The following SYT15 variants were observed in gnomAD, a reference collection of about 807,000 sequenced individuals.
SYT15 encodes the protein synaptotagmin 15.
SYT15 carries 4 observed loss-of-function variants against 30.1 expected under a neutral mutation model. The ratio of observed to expected loss-of-function variants is 0.13; its 90% CI spans 0.07 to 0.30. SYT15 has a LOEUF of 0.30. Ranked by LOEUF, SYT15 falls within the 10% of genes least tolerant of loss-of-function variation. SYT15 has a pLI of 1.00. For missense variants in SYT15, 49 were observed against 371.7 expected, an observed-to-expected ratio of 0.13 and a Z score of 7.14; for synonymous variants, 19 against 166.3, an observed-to-expected ratio of 0.11 and a Z score of 6.82.
intron 5 of SYT15, among the ~76,000 whole-genome samples, chr10:46,584,288 G>A (rs1844592186): frequency 6.6e-6 from 1 of 151,820 alleles, no homozygotes; most frequent in Admixed American, 6.5e-5. Flanking sequence ...TGACTCCTTA[G>A]CTCTGGTCCA....
downstream of SYT15, chr10:46,592,148 C>G (rs550905222): frequency 1.4e-5 from 2 of 141,936 alleles, no homozygotes; most frequent in Admixed American, 1.4e-4. Flanking sequence ...CGTTTCCCCC[C>G]CTACCATTGG....
rs112965082 is a variant in SYT15, at chr10:46,583,722, T to TC, written c.652-3dup. ...CGCCTGACTCTGGCTGGTGTCCTTG[T>TC]CCCCCCCAGGTGTCCAGCAAGACCA... On this transcript the variant is annotated splice_polypyrimidine_tract_variant and intron_variant, in intron 4 of 7. Transcript: ENST00000374321. 0.32 allele frequency: 218,924 copies of TC among 688,664 alleles called. 29,565 individuals carry two copies. Among genetic ancestry groups the TC allele is most frequent in the Non-Finnish European group, 0.36 (180,427 of 502,518 alleles). The allele number at this position is 688,664 out of a possible 1,614,324, so 42.7% of individuals were successfully genotyped here.
chr10:46,595,870 A>G (rs1422620677), downstream of SYT15: 2 of 140,478 alleles, frequency 1.4e-5, no homozygotes, highest in Admixed American at 1.4e-4. Context: ...AGGCAGAAGC[A>G]TAAAAAGGCA....
Position 46,591,253 on chromosome 10 carries a change from AG to A in SYT15, c.*3609del, listed in dbSNP as rs1179573030. The A allele has an allele frequency of 1.8e-5, 1 of 56,486 alleles. No individual in the cohort carries two copies. Among genetic ancestry groups the A allele is most frequent in the Non-Finnish European group, 3.3e-5 (1 of 30,118 alleles). 3.5% of individuals were successfully genotyped at this position (56,486 alleles called of 1,614,324 possible). ...CATGCCTGTTGTCCCAGCTACTTGG[AG>A]GGCTGGGGCAGGAGTATTGCGTGAG... is the stretch of plus-strand genomic sequence containing the variant. On this transcript the variant is annotated 3_prime_UTR_variant, in exon 8 of 8. Coordinates refer to ENST00000374321, the MANE Select transcript of SYT15 (RefSeq NM_031912.5).
chr10:46,580,679 G>A lies in SYT15; in HGVS notation c.213-215G>A, dbSNP rs1266688038. On this transcript the variant is annotated intron_variant, in intron 2 of 7. Transcript: ENST00000374321. The stretch of plus-strand genomic sequence containing the variant: ...CTGTGTTCCTTCTTCAAATCCCACT[G>A]CTGTGTGTGTGTGTGTGTGTGTGTG... Among the ~76,000 whole-genome samples, 2 of 89,876 alleles carry A rather than the reference G, an allele frequency of 2.2e-5. 1 individual carries two copies. The highest frequency in any genetic ancestry group is 4.3e-5 in the Non-Finnish European group (2 of 46,882). 59.0% of individuals were successfully genotyped at this position (89,876 alleles called of 152,430 possible). A position where few individuals can be genotyped will look rare whatever the true frequency, so the allele number is the denominator to read the frequency against.
At chr10:46,595,102 G>A (rs1281794408), downstream of SYT15, among the ~76,000 whole-genome samples, 1 of 129,110 alleles carries the variant, frequency 7.7e-6, no homozygotes, top group Non-Finnish European at 1.6e-5. Flanking sequence ...TGGGTTGGCT[G>A]GAGGTGGTCT....
chr10:46,596,805 C>T (rs1346280680), downstream of SYT15: 34 of 436,556 alleles, frequency 7.8e-5, 4 homozygotes, highest in Non-Finnish European at 1.5e-4. Flanking sequence ...CAAATGCAAG[C>T]CTGGGCCAGA....
chr10:46,586,383 A>G (rs1424940460), intron 7 of SYT15, among the ~76,000 whole-genome samples: 2 of 125,932 alleles, frequency 1.6e-5, no homozygotes, highest in South Asian at 2.6e-4. Flanking sequence ...CGTCTCTACT[A>G]AAAATACAAA....
At chr10:46,593,490 A>C (rs1160944932), downstream of SYT15, 3 of 149,250 alleles carry the variant, frequency 2.0e-5, no homozygotes, top group Non-Finnish European at 4.4e-5. Context: ...TATTCGGGAG[A>C]CTGAGGCAGG....
rs1347416314 is a variant in SYT15, at chr10:46,590,826, A to G, written c.*3179A>G. ...TACAAATAAGGTTAAATTTCTCTCA[A>G]ATACTTACTCTGCACCTTTTGAAAT... On this transcript the variant is annotated 3_prime_UTR_variant, in exon 8 of 8. Transcript: ENST00000374321. 2 of 120,458 alleles carry G rather than the reference A, an allele frequency of 1.7e-5. No homozygotes were observed. Among genetic ancestry groups the G allele is most frequent in the Non-Finnish European group, 3.4e-5 (2 of 58,824 alleles). The allele number at this position is 120,458 out of a possible 1,614,324, so 7.5% of individuals were successfully genotyped here.
At position 46,586,769 on chromosome 10, in the gene SYT15, C is replaced by T. The variant is rs1183185305; in HGVS notation, c.1124-736C>T. 5.9e-5 allele frequency among the ~76,000 whole-genome samples: 6 copies of T among 102,520 alleles called. No homozygotes were observed. The South Asian group carries it at 1.5e-3, about 25-fold the overall frequency. 67.3% of individuals were successfully genotyped at this position (102,520 alleles called of 152,430 possible). A position where few individuals can be genotyped will look rare whatever the true frequency, so the allele number is the denominator to read the frequency against. On this transcript the variant is annotated intron_variant, in intron 7 of 7. Coordinates refer to ENST00000374321, the MANE Select transcript of SYT15 (RefSeq NM_031912.5). ...CTGAAGCAGAAGAATCACTTGAACC[C>T]GGGAGGCAGAGGTTGCAGTGAGCCA... is the stretch of plus-strand genomic sequence containing the variant.
intron 7 of SYT15, among the ~76,000 whole-genome samples, chr10:46,586,541 G>A (rs772689157): frequency 9.1e-5 from 10 of 109,462 alleles, no homozygotes; most frequent in Admixed American, 7.5e-4. Flanking sequence ...GCGAGACTTC[G>A]TCTCAAAAAA....
Position 46,580,913 on chromosome 10 carries a change from G to A in SYT15, c.232G>A (p.Val78Met), listed in dbSNP as rs376965392. The A allele has an allele frequency of 3.4e-5, 48 of 1,412,746 alleles. 5 individuals carry two copies. Among genetic ancestry groups the A allele is most frequent in the East Asian group, 4.8e-5 (2 of 41,260 alleles). 87.5% of individuals were successfully genotyped at this position (1,412,746 alleles called of 1,614,324 possible). A position where few individuals can be genotyped will look rare whatever the true frequency, so the allele number is the denominator to read the frequency against. ...QLSRPPAVPF[V>M]VPPTLQGRDW... ...GGACAGGCCACCAGCTGTGCCATTC[G>A]TGGTGCCCCCAACCCTTCAAGGCCG... is the stretch of plus-strand genomic sequence containing the variant. The change falls in exon 3 of 8, where the codon GTG becomes ATG. Residue 78 changes from valine to methionine, a missense_variant. Physicochemically the swap from Val to Met is conservative, Grantham distance 21 (BLOSUM62 1). Coordinates refer to ENST00000374321, the MANE Select transcript of SYT15 (RefSeq NM_031912.5).
intron 5 of SYT15, among the ~76,000 whole-genome samples, 170 bp from the exon 6 acceptor site, chr10:46,584,325 T>C (rs1380401193): frequency 5.3e-5 from 8 of 151,572 alleles, no homozygotes; most frequent in African/African-American, 2.0e-4. Flanking sequence ...CCTTAAACTC[T>C]CCAGACCACA....
At chr10:46,584,402 T>C (rs1410114089) in intron 5 of SYT15, 93 bp from the exon 6 acceptor site, 2 of 1,490,768 alleles carry the variant, frequency 1.3e-6, no homozygotes, top group Non-Finnish European at 1.8e-6. Context: ...CATGGACCGC[T>C]AGGAGGAAGC....
intron 1 of SYT15, 123 bp from the exon 2 acceptor site, chr10:46,580,041 T>A (rs1283495494): frequency 2.0e-6 from 1 of 491,578 alleles, no homozygotes; most frequent in Non-Finnish European, 3.6e-6. Context: ...CCTGCTCCTA[T>A]CACTCCTGAG....
chr10:46,586,362 C>T (rs1334344103), intron 7 of SYT15, among the ~76,000 whole-genome samples: 5 of 129,572 alleles, frequency 3.9e-5, no homozygotes, highest in Non-Finnish European at 7.9e-5. Flanking sequence ...CTGGCTAACA[C>T]AGTGAAACCA....
chr10:46,586,275 G>A lies in SYT15; in HGVS notation c.1123+498G>A, dbSNP rs1375446689. Reference sequence around the variant, plus strand: ...AAAAAAAAAAAAAAGGGCCGGGCACGGTGGCTCACACCTGTAATCCCAGCA... The same window carrying A: ...AAAAAAAAAAAAAAGGGCCGGGCACAGTGGCTCACACCTGTAATCCCAGCA... On this transcript the variant is annotated intron_variant, in intron 7 of 7. Coordinates refer to ENST00000374321, the MANE Select transcript of SYT15 (RefSeq NM_031912.5). Among the ~76,000 whole-genome samples, 6 of 126,902 alleles carry A rather than the reference G, an allele frequency of 4.7e-5. 1 individual carries two copies. The South Asian group carries it at 1.3e-3, about 27-fold the overall frequency. 83.3% of individuals were successfully genotyped at this position (126,902 alleles called of 152,430 possible).
chr10:46,590,916 A>T lies in SYT15; in HGVS notation c.*3269A>T, dbSNP rs536912661. On this transcript the variant is annotated 3_prime_UTR_variant, in exon 8 of 8. Coordinates refer to ENST00000374321, the MANE Select transcript of SYT15 (RefSeq NM_031912.5). ...TATACTAATTGACTGTTGAATGTCA[A>T]ACCAAACTTAACATTCTTGTAATAG... 2.4e-4 allele frequency: 34 copies of T among 140,506 alleles called. 5 individuals are homozygous for T. Among genetic ancestry groups the T allele is most frequent in the African/African-American group, 9.0e-4 (32 of 35,638 alleles). The allele number at this position is 140,506 out of a possible 1,614,324, so 8.7% of individuals were successfully genotyped here. A position where few individuals can be genotyped will look rare whatever the true frequency, so the allele number is the denominator to read the frequency against.
Sources: allele counts gnomAD v4.1 joint callset (sites outside exome capture counted in the v4.1 genomes callset), GRCh38; gene constraint gnomAD v4.1.1; transcripts MANE v1.5; gene names NCBI Gene and HGNC (gene_info 2026-07-23, HGNC 2026-07-21).